HABP2: variants seen among roughly 807,000 people sequenced by gnomAD.
HABP2 encodes factor VII-activating protease.
HABP2 carries 65 observed loss-of-function variants against 66.5 expected under a neutral mutation model. The observed-to-expected ratio is 0.98, with a 90% CI of 0.80 to 1.20. HABP2 has a LOEUF of 1.20. HABP2 is among the 50% of genes most tolerant of loss of function. The pLI is 0.00. For synonymous variants in HABP2, 263 were observed against 253.9 expected (o/e 1.04, Z -0.34); for missense variants, 786 against 691.0 (o/e 1.14, Z -1.54).
chr10:113,577,957 C>CT lies in HABP2; in HGVS notation c.449-67dup. On this transcript the variant is annotated intron_variant, in intron 5 of 12. Coordinates refer to ENST00000351270, the MANE Select transcript of HABP2 (RefSeq NM_004132.5). ...ACCAGTAGAATGCCACCAATGTCTC[C>CT]TTGTCATCTCAGACATGGGCTGCAA... is the stretch of plus-strand genomic sequence containing the variant. 2.5e-6 allele frequency: 4 copies of CT among 1,575,054 alleles called. 1 individual carries two copies. In the South Asian group the frequency reaches 4.7e-5, roughly 19 times the overall value.
chr10:113,577,085 T>C (rs1845424993), intron 4 of HABP2, 65 bp from the exon 5 acceptor site: 1 of 890,824 alleles, frequency 1.1e-6, no homozygotes, highest in Non-Finnish European at 1.9e-6. Flanking sequence ...AACATTGTTT[T>C]ATACATGTAT....
intron 1 of HABP2, among the ~76,000 whole-genome samples, chr10:113,565,224 A>G (rs1845177332): frequency 6.6e-6 from 1 of 152,262 alleles, no homozygotes; most frequent in African/African-American, 2.4e-5. Flanking sequence ...CATTGACACA[A>G]TAATATTGTC....
rs1443128078 is a variant in HABP2, at chr10:113,583,449, T to C, written c.1237+91T>C. The C allele has an allele frequency of 2.1e-5, 25 of 1,194,532 alleles. No individual in the cohort carries two copies. In the Admixed American group the frequency reaches 4.3e-4, roughly 21 times the overall value. The allele number at this position is 1,194,532 out of a possible 1,614,324, so 74.0% of individuals were successfully genotyped here. A position where few individuals can be genotyped will look rare whatever the true frequency, so the allele number is the denominator to read the frequency against. ...GCTGAAGTTTGGTTCTAGAAGGTGC[T>C]CTTGATTGTTTTTGGTCCCTGTGGA... On this transcript the variant is annotated intron_variant, in intron 10 of 12. Coordinates refer to ENST00000351270, the MANE Select transcript of HABP2 (RefSeq NM_004132.5).
chr10:113,559,095 T>C (rs1845053686), intron 1 of HABP2, among the ~76,000 whole-genome samples: 1 of 152,186 alleles, frequency 6.6e-6, no homozygotes, highest in Non-Finnish European at 1.5e-5. Flanking sequence ...CCTTAAGTGA[T>C]CCACCCGCCC....
rs1845805298 is a variant in HABP2, at chr10:113,589,453, G to A, written c.*1084G>A. On this transcript the variant is annotated 3_prime_UTR_variant, in exon 13 of 13. Transcript: ENST00000351270. ...TTGCCTCTGCAGAACTAATGGCTGT[G>A]ACTTCAGAGAAAGCCCTGCAGGAAG... The A allele has an allele frequency of 1.6e-6, 1 of 618,106 alleles. No individual in the cohort carries two copies. The highest frequency in any genetic ancestry group is 2.1e-5 in the South Asian group (1 of 47,870). The allele number at this position is 618,106 out of a possible 1,614,324, so 38.3% of individuals were successfully genotyped here. A position where few individuals can be genotyped will look rare whatever the true frequency, so the allele number is the denominator to read the frequency against.
chr10:113,556,546 C>A (rs1387925828), intron 1 of HABP2, among the ~76,000 whole-genome samples: 2 of 151,630 alleles, frequency 1.3e-5, no homozygotes, highest in African/African-American at 2.4e-5. Flanking sequence ...CTGTCTCTAT[C>A]AAAAAAAATT....
intron 1 of HABP2, among the ~76,000 whole-genome samples, chr10:113,563,571 A>G (rs1845139860): frequency 6.6e-6 from 1 of 151,340 alleles, no homozygotes; most frequent in African/African-American, 2.4e-5. Context: ...AGCCCAGCCC[A>G]GGAAGTCTCG....
chr10:113,584,037 G>T (rs1845589610), intron 10 of HABP2, 111 bp from the exon 11 acceptor site: 1 of 803,384 alleles, frequency 1.2e-6, no homozygotes, highest in Non-Finnish European at 2.1e-6. Flanking sequence ...TTCAGGCATG[G>T]TGGGGGCAGG....
In HABP2 at chr10:113,567,493, C is replaced by T. The variant is rs375773980; in HGVS notation, c.74C>T (p.Ser25Phe). 1.2e-6 allele frequency: 2 copies of T among 1,612,158 alleles called. No individual in the cohort carries two copies. Among genetic ancestry groups the T allele is most frequent in the East Asian group, 4.5e-5 (2 of 44,888 alleles). ...ALVGKTACGF[S>F]LMSLLESLDP... is the part of the protein sequence containing the mutation. ...CTGTGTTGTTTTGTTTTTCAGTTCTCCCTGATGTCTTTATTGGAAAGCCTG... is the reference window on the plus strand; with the variant it reads ...CTGTGTTGTTTTGTTTTTCAGTTCTTCCTGATGTCTTTATTGGAAAGCCTG... The change falls in exon 2 of 13, where the codon TCC (serine) becomes TTC (phenylalanine). Residue 25 changes from serine to phenylalanine, a missense_variant. By Grantham distance (155) the Ser-to-Phe change is radical (BLOSUM62 -2). Transcript: ENST00000351270.
intron 2 of HABP2, among the ~76,000 whole-genome samples, chr10:113,567,995 G>T (rs1845232080): frequency 6.6e-6 from 1 of 152,240 alleles, no homozygotes; most frequent in Non-Finnish European, 1.5e-5. Context: ...CTCTGCTGTT[G>T]TCTTCTCTGC....
intron 2 of HABP2, among the ~76,000 whole-genome samples, chr10:113,568,333 C>A (rs986204889): frequency 6.6e-6 from 1 of 152,232 alleles, no homozygotes; most frequent in Non-Finnish European, 1.5e-5. Context: ...GCCAGGCAGA[C>A]AACACATGGA....
chr10:113,578,127 G>A lies in HABP2; in HGVS notation c.550G>A (p.Gly184Arg), dbSNP rs371091192. The change falls in exon 6 of 13, where the codon GGG (glycine) becomes AGG (arginine). Residue 184 changes from glycine to arginine, a missense_variant. Coordinates refer to ENST00000351270, the MANE Select transcript of HABP2 (RefSeq NM_004132.5). ...CTGTGCCTGTCCCGACCAGTTCAAG[G>A]GGAAATTCTGTGAAATAGGTATGGG... ...FTCACPDQFK[G>R]KFCEIGSDDC... 147 of 1,613,990 alleles carry A rather than the reference G, an allele frequency of 9.1e-5. No individual in the cohort carries two copies. Among genetic ancestry groups the A allele is most frequent in the Non-Finnish European group, 1.2e-4 (137 of 1,179,992 alleles).
rs746125644 is a variant in HABP2, at chr10:113,588,211, T to G, written c.1525T>G (p.Ser509Ala). 5 of 1,602,890 alleles carry G rather than the reference T, an allele frequency of 3.1e-6. No homozygotes were observed. The African/African-American group carries it at 5.4e-5, about 17-fold the overall frequency. The change falls in exon 13 of 13, where the codon TCT (serine) becomes GCT (alanine). Residue 509 changes from serine (S) to alanine (A), a missense_variant. Physicochemically the swap from Ser to Ala is moderately conservative, Grantham distance 99. Transcript: ENST00000351270. Reference protein sequence around the residue: ...KPGQDTCQGDSGGPLTCEKDG... With the variant: ...KPGQDTCQGDAGGPLTCEKDG... ...ATGCCTCTGTTTCCCTTAGGGTGAC[T>G]CTGGAGGCCCCCTGACCTGTGAGAA...
chr10:113,583,494 T>C (rs1845579668), intron 10 of HABP2, 136 bp downstream of exon 10: 1 of 729,996 alleles, frequency 1.4e-6, no homozygotes, highest in Non-Finnish European at 2.3e-6. Context: ...GTAGGGAATG[T>C]ATTCCAGGGA....
In HABP2 at chr10:113,581,889, A is replaced by G. The variant is rs750596002; in HGVS notation, c.852A>G (p.Pro284=). ...SACSAQDVAY[P]EESPTEPSTK... is the part of the protein sequence containing the mutation. ...TGTGTCCCACAGACGTTGCCTACCC[A>G]GAGGAAAGCCCCACTGAGCCATCAA... Residue 284 remains proline (P), a synonymous_variant, in exon 9 of 13, where the codon CCA becomes CCG. Transcript: ENST00000351270. 1 of 1,614,184 alleles carries G rather than the reference A, an allele frequency of 6.2e-7. No homozygotes were observed. Among genetic ancestry groups the G allele is most frequent in the Non-Finnish European group, 8.5e-7 (1 of 1,180,000 alleles).
chr10:113,553,302 G>T, intron 1 of HABP2, 112 bp downstream of exon 1: 1 of 786,258 alleles, frequency 1.3e-6, no homozygotes, highest in Non-Finnish European at 2.2e-6. Flanking sequence ...GAGTTGCCAA[G>T]TTGGAGATGT....
At chr10:113,573,294 A>C (rs1439723144) in intron 2 of HABP2, among the ~76,000 whole-genome samples, 2 of 152,160 alleles carry the variant, frequency 1.3e-5, no homozygotes, top group African/African-American at 2.4e-5. Context: ...CCAACCTTAC[A>C]CATACCTGTT....
At chr10:113,568,855 C>T (rs1845250686) in intron 2 of HABP2, among the ~76,000 whole-genome samples, 1 of 152,164 alleles carries the variant, frequency 6.6e-6, no homozygotes, top group Non-Finnish European at 1.5e-5. Context: ...ACTCAAGGGC[C>T]CTTGACTTTA....
chr10:113,584,001 A>G (rs1296525308), intron 10 of HABP2, 147 bp from the exon 11 acceptor site: 9 of 629,194 alleles, frequency 1.4e-5, no homozygotes, highest in Middle Eastern at 3.5e-4. Flanking sequence ...GAAGTTCAAA[A>G]TATGAAATGA....
Sources: gnomAD v4.1 joint callset for allele counts (sites outside exome capture counted in the v4.1 genomes callset) on GRCh38, gnomAD v4.1.1 for gene constraint, MANE v1.5 for transcripts, NCBI Gene and HGNC (gene_info 2026-07-23, HGNC 2026-07-21) for gene names.